Variants in CSMD3 observed in about 807,000 individuals in gnomAD.
CSMD3 encodes CUB and sushi domain-containing protein 3.
In CSMD3, 177 loss-of-function variants were observed where a neutral mutation model predicts 435.2. The ratio of observed to expected loss-of-function variants is 0.41; its 90% CI spans 0.36 to 0.46. The LOEUF is 0.46. CSMD3 is among the 20% of genes least tolerant of loss of function. The pLI is 0.34. For missense variants in CSMD3, 4,265 were observed against 4,504.6 expected (o/e 0.95, Z 1.52); for synonymous variants, 1,656 against 1,520.5 (o/e 1.09, Z -2.07).
At chr8:112,930,306 G>T (rs2083064834) in intron 9 of CSMD3, among the ~76,000 whole-genome samples, 1 of 152,038 alleles carries the variant, frequency 6.6e-6, no homozygotes, top group Admixed American at 6.6e-5. Context: ...ATGTAATGAA[G>T]ATAAACCTAT....
At chr8:112,234,507 T>C (rs111698347) in intron 67 of CSMD3, 30 bp from the exon 68 acceptor site, 1 of 1,207,558 alleles carries the variant, frequency 8.3e-7, no homozygotes, top group Admixed American at 1.7e-5. Flanking sequence ...TTTAGTCTAC[T>C]TAACTTTGTA....
intron 28 of CSMD3, among the ~76,000 whole-genome samples, chr8:112,515,522 C>T (rs1340945304): frequency 1.3e-5 from 2 of 151,982 alleles, no homozygotes; most frequent in African/African-American, 2.4e-5. Flanking sequence ...TTCCCCGGAT[C>T]GTATGAGTGC....
intron 27 of CSMD3, among the ~76,000 whole-genome samples, chr8:112,537,032 AG>A (rs1201641232): frequency 2.2e-4 from 33 of 151,898 alleles, no homozygotes; most frequent in African/African-American, 8.0e-4. Context: ...GGTAGGGGGA[AG>A]GGGGAGGGAT....
chr8:112,861,934 A>G (rs1488922639), intron 10 of CSMD3, among the ~76,000 whole-genome samples: 3 of 152,058 alleles, frequency 2.0e-5, no homozygotes, highest in Non-Finnish European at 4.4e-5. Flanking sequence ...TTGTTAACTC[A>G]TAGTACAATG....
chr8:112,523,016 C>A (rs1265880561), intron 27 of CSMD3, among the ~76,000 whole-genome samples: 1 of 151,872 alleles, frequency 6.6e-6, no homozygotes, highest in Non-Finnish European at 1.5e-5. Context: ...CGCCGGTTTT[C>A]TTACTGCTTT....
intron 11 of CSMD3, among the ~76,000 whole-genome samples, chr8:112,857,491 A>G (rs1377178957): frequency 6.6e-6 from 1 of 151,744 alleles, no homozygotes; most frequent in Non-Finnish European, 1.5e-5. Context: ...AAGACAAAAC[A>G]ATATCTCCAT....
At chr8:113,114,611 T>C (rs2090768584) in intron 4 of CSMD3, among the ~76,000 whole-genome samples, 1 of 152,138 alleles carries the variant, frequency 6.6e-6, no homozygotes, top group South Asian at 2.1e-4. Flanking sequence ...AGTACAGTAA[T>C]TTTTTATTCT....
At chr8:112,790,600 A>C (rs117729154) in intron 13 of CSMD3, among the ~76,000 whole-genome samples, 2,798 of 152,196 alleles carry the variant, frequency 0.018, 26 homozygotes, top group Non-Finnish European at 0.029. Context: ...CTTGGATATA[A>C]ATTTCCCCTA....
Position 112,827,160 on chromosome 8 carries a change from CATAAATATATATATATATATATATAT to C in CSMD3, c.1859+2500_1859+2525del, listed in dbSNP as rs1317942858. On this transcript the variant is annotated intron_variant, in intron 12 of 70. Transcript: ENST00000297405. Reference sequence around the variant, plus strand: ...TTTCTTCTGTATTTTACTAGGTTACCATAAATATATATATATATATATATATATATATATATATATATATATAATCT... The same window carrying C: ...TTTCTTCTGTATTTTACTAGGTTACCATATATATATATATATATATAATCT... Among the ~76,000 whole-genome samples, 64 of 38,708 alleles carry C rather than the reference CATAAATATATATATATATATATATAT, an allele frequency of 1.7e-3. 3 individuals carry two copies. In the Admixed American group the frequency reaches 0.028, roughly 17 times the overall value. The allele number at this position is 38,708 out of a possible 152,430, so 25.4% of individuals were successfully genotyped here. A position where few individuals can be genotyped will look rare whatever the true frequency, so the allele number is the denominator to read the frequency against.
At chr8:112,982,661 T>A (rs923007885) in intron 6 of CSMD3, among the ~76,000 whole-genome samples, 1 of 151,936 alleles carries the variant, frequency 6.6e-6, no homozygotes, top group Non-Finnish European at 1.5e-5. Context: ...TCTCTGACAA[T>A]CCTTGCCTTA....
At chr8:112,789,823 A>G (rs2078642025) in intron 13 of CSMD3, among the ~76,000 whole-genome samples, 1 of 152,012 alleles carries the variant, frequency 6.6e-6, no homozygotes, top group Non-Finnish European at 1.5e-5. Context: ...AATAAAAAAG[A>G]TATAACTATG....
At chr8:113,432,328 C>T (rs1437163423) in intron 1 of CSMD3, among the ~76,000 whole-genome samples, 2 of 152,196 alleles carry the variant, frequency 1.3e-5, no homozygotes, top group Non-Finnish European at 2.9e-5. Flanking sequence ...AAAGACAAGA[C>T]CGCATTCAGG....
intron 38 of CSMD3, among the ~76,000 whole-genome samples, chr8:112,370,011 G>GGAAGAAGAGGAA (rs1586900839): frequency 2.6e-5 from 1 of 39,088 alleles, no homozygotes; most frequent in African/African-American, 1.3e-4. Flanking sequence ...AAGAGGAAGA[G>GGAAGAAGAGGAA]GAAGAAGAAG....
At chr8:113,050,671 C>T (rs1204530844) in intron 5 of CSMD3, among the ~76,000 whole-genome samples, 1 of 152,040 alleles carries the variant, frequency 6.6e-6, no homozygotes, top group Admixed American at 6.6e-5. Flanking sequence ...TCATTTTAAG[C>T]ATAGAGAATC....
At chr8:112,703,960 G>A (rs1257673362) in intron 13 of CSMD3, among the ~76,000 whole-genome samples, 1 of 152,064 alleles carries the variant, frequency 6.6e-6, no homozygotes, top group African/African-American at 2.4e-5. Context: ...CATTTAAAAT[G>A]CCTCAGATTG....
chr8:112,564,628 G>A (rs1419684639), intron 24 of CSMD3, among the ~76,000 whole-genome samples: 2 of 151,962 alleles, frequency 1.3e-5, no homozygotes, highest in African/African-American at 4.8e-5. Context: ...CCATACTCCT[G>A]CCTGTAGCTG....
chr8:112,400,620 G>C (rs1831243340), intron 35 of CSMD3, among the ~76,000 whole-genome samples: 1 of 152,002 alleles, frequency 6.6e-6, no homozygotes, highest in African/African-American at 2.4e-5. Context: ...GCTGAATCTA[G>C]GTTGAGAACA....
Position 112,348,779 on chromosome 8 carries a change from T to A in CSMD3, c.6325+2396A>T, listed in dbSNP as rs183825214. Reference sequence around the variant, plus strand: ...ATAAAACAATTTTTCTAATTTAGTTTATAATATAAATGTAAACTTAATCAA... The same window carrying A: ...ATAAAACAATTTTTCTAATTTAGTTAATAATATAAATGTAAACTTAATCAA... On this transcript the variant is annotated intron_variant, in intron 40 of 70. Coordinates refer to ENST00000297405, the MANE Select transcript of CSMD3 (RefSeq NM_198123.2). Among the ~76,000 whole-genome samples, 964 of 152,212 alleles carry A rather than the reference T, an allele frequency of 6.3e-3. 4 individuals are homozygous for A. Among genetic ancestry groups the A allele is most frequent in the Non-Finnish European group, 0.011 (773 of 67,998 alleles).
chr8:112,684,095 C>A (rs1046740385), intron 15 of CSMD3, among the ~76,000 whole-genome samples: 3 of 151,486 alleles, frequency 2.0e-5, no homozygotes, highest in African/African-American at 7.3e-5. Context: ...AAAAGGGAGA[C>A]CTATTTCCAT....
Sources: allele counts gnomAD v4.1 joint callset (sites outside exome capture counted in the v4.1 genomes callset), GRCh38; gene constraint gnomAD v4.1.1; transcripts MANE v1.5; gene names NCBI Gene and HGNC (gene_info 2026-07-23, HGNC 2026-07-21).